ODF2: variants seen among roughly 807,000 people sequenced by gnomAD.
The protein encoded by ODF2 is outer dense fiber of sperm tails 2, also known as outer dense fiber protein 2.
A neutral mutation model predicts 110.2 loss-of-function variants in ODF2; 47 were observed. That is an observed-to-expected ratio of 0.43 (90% CI 0.34 to 0.54). ODF2 has a LOEUF of 0.54. Among genes scored for constraint, ODF2 ranks in the 20% least tolerant of loss-of-function variants. ODF2 has a pLI of 0.03. For synonymous variants in ODF2, 352 were observed against 397.7 expected, an observed-to-expected ratio of 0.89 and a Z score of 1.37; for missense variants, 812 against 1,054.5, an observed-to-expected ratio of 0.77 and a Z score of 3.19.
At chr9:128,458,717 G>A (rs1217080711) in intron 2 of ODF2, among the ~76,000 whole-genome samples, 1 of 151,944 alleles carries the variant, frequency 6.6e-6, no homozygotes, top group Non-Finnish European at 1.5e-5. Context: ...AGGATAGCAA[G>A]TGGAATATTT....
At chr9:128,481,390 T>C (rs558610078) in intron 8 of ODF2, among the ~76,000 whole-genome samples, 190 bp from the exon 9 acceptor site, 2 of 151,558 alleles carry the variant, frequency 1.3e-5, no homozygotes, top group South Asian at 2.1e-4. Flanking sequence ...GATGGGAGGA[T>C]GGCTTGAGCC....
chr9:128,487,830 C>A (rs1843701342), intron 13 of ODF2, 60 bp from the exon 14 acceptor site: 37 of 1,582,310 alleles, frequency 2.3e-5, no homozygotes, highest in Admixed American at 3.4e-5. Flanking sequence ...CACACACACA[C>A]ACACAAACAA....
intron 8 of ODF2, among the ~76,000 whole-genome samples, chr9:128,479,556 G>GTGC (rs749168245): frequency 3.9e-5 from 6 of 152,174 alleles, no homozygotes; most frequent in Non-Finnish European, 8.8e-5. Flanking sequence ...CAGTGAATTG[G>GTGC]TGCAGGCATT....
intron 14 of ODF2, 140 bp from the exon 15 acceptor site, chr9:128,492,286 C>T (rs539931824): frequency 1.1e-5 from 7 of 650,552 alleles, no homozygotes; most frequent in African/African-American, 7.3e-5. Flanking sequence ...ACCTGCTTCT[C>T]GGTGCTTCTC....
chr9:128,495,831 T>C (rs1845475414), intron 17 of ODF2, among the ~76,000 whole-genome samples: 1 of 152,124 alleles, frequency 6.6e-6, no homozygotes, highest in African/African-American at 2.4e-5. Flanking sequence ...TCAAACCTGG[T>C]TTCTCCCAGT....
chr9:128,456,382 G>C (rs1015259823), intron 1 of ODF2, 127 bp downstream of exon 1: 3 of 1,428,558 alleles, frequency 2.1e-6, no homozygotes, highest in Admixed American at 3.3e-5. Flanking sequence ...GCCGCGTTGC[G>C]CTCGTCCCCC....
intron 17 of ODF2, among the ~76,000 whole-genome samples, chr9:128,495,323 G>A (rs1845401669): frequency 6.6e-6 from 1 of 152,234 alleles, no homozygotes; most frequent in African/African-American, 2.4e-5. Flanking sequence ...AACTCTGTGA[G>A]GTGCATGTGT....
At chr9:128,460,526 G>T (rs754146517) in intron 3 of ODF2, 24 bp from the exon 3 acceptor site, 1 of 1,608,538 alleles carries the variant, frequency 6.2e-7, no homozygotes, top group South Asian at 1.1e-5. Context: ...AACCATTTTT[G>T]TGTTGTCCTC....
intron 14 of ODF2, among the ~76,000 whole-genome samples, chr9:128,490,280 T>C (rs894056843): frequency 6.6e-6 from 1 of 152,102 alleles, no homozygotes; most frequent in Non-Finnish European, 1.5e-5. Flanking sequence ...TATATTTTCC[T>C]AGTCTAATTT....
chr9:128,485,220 C>T lies in ODF2; in HGVS notation c.1291-145C>T. 3.2e-6 allele frequency: 2 copies of T among 616,188 alleles called. No individual in the cohort carries two copies. Among genetic ancestry groups the T allele is most frequent in the Non-Finnish European group, 2.9e-6 (1 of 343,756 alleles). 38.2% of individuals were successfully genotyped at this position (616,188 alleles called of 1,614,324 possible). A position where few individuals can be genotyped will look rare whatever the true frequency, so the allele number is the denominator to read the frequency against. On this transcript the variant is annotated intron_variant, in intron 12 of 20. Transcript: ENST00000604420. The surrounding 1 kb of genome is among the most constrained non-coding windows in gnomAD (Gnocchi z 5.0). ...AGCACTAGCTGGGCTCCCACTGTTGCTTCCAGCGCCCTCTAGAAAGGTGAA... is the reference window on the plus strand; with the variant it reads ...AGCACTAGCTGGGCTCCCACTGTTGTTTCCAGCGCCCTCTAGAAAGGTGAA...
intron 3 of ODF2, chr9:128,460,637 C>A (rs143618966): frequency 6.2e-7 from 1 of 1,614,156 alleles, no homozygotes; most frequent in South Asian, 1.1e-5. Context: ...CATAAAAAAA[C>A]TCCCGAAACC....
intron 4 of ODF2, among the ~76,000 whole-genome samples, chr9:128,461,957 A>G (rs1243994688): frequency 6.6e-6 from 1 of 152,154 alleles, no homozygotes; most frequent in Non-Finnish European, 1.5e-5. Flanking sequence ...AATAAATTAA[A>G]AGGATTGAAA....
intron 4 of ODF2, among the ~76,000 whole-genome samples, chr9:128,468,518 T>A (rs1773742047): frequency 6.6e-6 from 1 of 151,948 alleles, no homozygotes; most frequent in Non-Finnish European, 1.5e-5. Context: ...CATGTGCCAC[T>A]ACACCCACCT....
rs202004450 is a variant in ODF2, at chr9:128,471,329, C to T, written c.442C>T (p.Arg148Cys). The change falls in exon 6 of 21, where the codon CGC becomes TGC. Residue 148 changes from arginine to cysteine, a missense_variant. Arg to Cys is a radical substitution (Grantham distance 180, BLOSUM62 -3). This residue lies in a region of ODF2 where 219 missense variants were observed against 321.3 expected (regional missense o/e 0.68). Transcript: ENST00000604420. ...TCAGGTCAAGATGCAAAAAGGTGAG[C>T]GCCAGATGGCCAAAAGGTTCCTGGA... 4.3e-6 allele frequency: 7 copies of T among 1,610,632 alleles called. No individual in the cohort carries two copies. Among genetic ancestry groups the T allele is most frequent in the South Asian group, 2.2e-5 (2 of 90,458 alleles).
At chr9:128,474,261 G>A (rs554626506) in intron 8 of ODF2, among the ~76,000 whole-genome samples, 53 of 152,174 alleles carry the variant, frequency 3.5e-4, no homozygotes, top group African/African-American at 1.1e-3. Flanking sequence ...TTGGGAGGCC[G>A]AGGAGGGTGG....
intron 6 of ODF2, among the ~76,000 whole-genome samples, chr9:128,472,238 C>T (rs1465646254): frequency 4.6e-5 from 7 of 152,172 alleles, no homozygotes; most frequent in South Asian, 4.1e-4. Flanking sequence ...GATGGAGTCT[C>T]GCTCTGTCAT....
At chr9:128,457,014 G>T (rs1392602294) in intron 1 of ODF2, 7 of 1,269,204 alleles carry the variant, frequency 5.5e-6, no homozygotes, top group Non-Finnish European at 7.1e-6. Flanking sequence ...GGGCCGAGCG[G>T]TTCTCACCCG....
chr9:128,473,576 C>G (rs777876224), intron 7 of ODF2, 34 bp from the exon 8 acceptor site: 19 of 1,610,932 alleles, frequency 1.2e-5, no homozygotes, highest in Non-Finnish European at 1.2e-5. Flanking sequence ...CCCTTCTCCC[C>G]CTGCATCTGT....
chr9:128,494,224 A>G lies in ODF2; in HGVS notation c.1753-286A>G, dbSNP rs1304738152. ...CATCACCTATTTTACAGGTTGTCTGAATTAAATGAGCAAGTGTGCAGAGAG... is the reference window on the plus strand; with the variant it reads ...CATCACCTATTTTACAGGTTGTCTGGATTAAATGAGCAAGTGTGCAGAGAG... On this transcript the variant is annotated intron_variant, in intron 16 of 20. Transcript: ENST00000604420. The surrounding 1 kb of genome is among the most constrained non-coding windows in gnomAD (Gnocchi z 4.6). Among the ~76,000 whole-genome samples, 2 of 152,200 alleles carry G rather than the reference A, an allele frequency of 1.3e-5. No individual in the cohort carries two copies. Among genetic ancestry groups the G allele is most frequent in the Non-Finnish European group, 2.9e-5 (2 of 68,030 alleles).
Sources: gnomAD v4.1 joint callset for allele counts (sites outside exome capture counted in the v4.1 genomes callset) on GRCh38, gnomAD v4.1.1 for gene constraint, gnomAD v4.1.1 regional missense constraint, Gnocchi (gnomAD v3.1) non-coding constraint, MANE v1.5 for transcripts, NCBI Gene and HGNC (gene_info 2026-07-23, HGNC 2026-07-21) for gene names.